Variants in FHIT observed in about 807,000 individuals in gnomAD.
FHIT encodes fragile histidine triad diadenosine triphosphatase.
Under a neutral mutation model 17.9 loss-of-function variants are expected in FHIT, and 19 were observed. The observed-to-expected ratio is 1.06, with a 90% CI of 0.74 to 1.56. The LOEUF (loss-of-function observed/expected upper bound fraction) is 1.56. FHIT is among the 40% of genes most tolerant of loss of function. The probability of loss-of-function intolerance (pLI) is 0.00; values close to 1 mark genes in which losing one functional copy is unlikely to be tolerated. For missense variants in FHIT, 248 were observed against 189.2 expected, an observed-to-expected ratio of 1.31 and a Z score of -1.82; for synonymous variants, 81 against 69.7, an observed-to-expected ratio of 1.16 and a Z score of -0.81.
intron 3 of FHIT, among the ~76,000 whole-genome samples, chr3:61,039,811 T>C (rs1000025822): frequency 1.3e-5 from 2 of 152,076 alleles, no homozygotes; most frequent in African/African-American, 4.8e-5. Flanking sequence ...GTAACAAACC[T>C]GCACATTCTG....
intron 7 of FHIT, among the ~76,000 whole-genome samples, chr3:59,949,678 T>C (rs751669919): frequency 6.6e-6 from 1 of 152,226 alleles, no homozygotes; most frequent in Non-Finnish European, 1.5e-5. Flanking sequence ...TTGAGGAGTT[T>C]CTATTTACGC....
chr3:60,182,232 G>T (rs1056516381), intron 5 of FHIT, among the ~76,000 whole-genome samples: 1 of 152,134 alleles, frequency 6.6e-6, no homozygotes, highest in South Asian at 2.1e-4. Context: ...CTGAAAACGG[G>T]ATTGACTAAA....
At chr3:60,805,075 G>A (rs1032475167) in intron 4 of FHIT, among the ~76,000 whole-genome samples, 1 of 152,204 alleles carries the variant, frequency 6.6e-6, no homozygotes, top group South Asian at 2.1e-4. Flanking sequence ...GCATAAATGA[G>A]TAGCTTTATA....
chr3:60,602,292 A>G (rs986465860), intron 4 of FHIT, among the ~76,000 whole-genome samples: 5 of 152,186 alleles, frequency 3.3e-5, no homozygotes, highest in Non-Finnish European at 7.3e-5. Flanking sequence ...AAAGCAAGTC[A>G]ATTACAATAG....
At chr3:60,474,788 T>C (rs979250683) in intron 5 of FHIT, among the ~76,000 whole-genome samples, 2 of 151,980 alleles carry the variant, frequency 1.3e-5, no homozygotes, top group Admixed American at 1.3e-4. Flanking sequence ...CACACCCAGC[T>C]ACTTTTGTAT....
chr3:61,074,848 C>T (rs570801724), intron 2 of FHIT, among the ~76,000 whole-genome samples: 2 of 152,200 alleles, frequency 1.3e-5, no homozygotes, highest in South Asian at 4.1e-4. Flanking sequence ...TCTTACTTAA[C>T]CCCCTTTACC....
At chr3:61,106,847 G>A (rs1337486402) in intron 2 of FHIT, among the ~76,000 whole-genome samples, 1 of 152,134 alleles carries the variant, frequency 6.6e-6, no homozygotes, top group African/African-American at 2.4e-5. Flanking sequence ...TTTTAGTAGA[G>A]ATAGGGTTTC....
At chr3:60,744,263 C>CAAAAAAA (rs1201886354) in intron 4 of FHIT, among the ~76,000 whole-genome samples, 6 of 85,980 alleles carry the variant, frequency 7.0e-5, no homozygotes, top group African/African-American at 1.4e-4. Flanking sequence ...AAAAACAAAA[C>CAAAAAAA]AAAACAAAAA....
At chr3:60,320,914 A>G (rs1265827645) in intron 5 of FHIT, among the ~76,000 whole-genome samples, 1 of 152,216 alleles carries the variant, frequency 6.6e-6, no homozygotes, top group African/African-American at 2.4e-5. Flanking sequence ...AATGATCACT[A>G]TTTAACTAAT....
At chr3:60,739,975 G>C (rs1325594383) in intron 4 of FHIT, among the ~76,000 whole-genome samples, 1 of 152,170 alleles carries the variant, frequency 6.6e-6, no homozygotes, top group Non-Finnish European at 1.5e-5. Context: ...TCAAAGAAAA[G>C]AGAAATGTTC....
intron 4 of FHIT, among the ~76,000 whole-genome samples, chr3:60,706,230 T>A (rs1294957863): frequency 8.7e-6 from 1 of 114,438 alleles, no homozygotes; most frequent in Non-Finnish European, 1.7e-5. Context: ...ACATCACACA[T>A]CGGGGCCTGT....
chr3:59,897,907 C>A (rs1035609857), intron 8 of FHIT, among the ~76,000 whole-genome samples: 1 of 152,060 alleles, frequency 6.6e-6, no homozygotes. Context: ...GCTGGGACTA[C>A]AGGCACCCGC....
intron 4 of FHIT, among the ~76,000 whole-genome samples, chr3:60,681,431 G>T (rs909032310): frequency 6.6e-6 from 1 of 152,106 alleles, no homozygotes; most frequent in African/African-American, 2.4e-5. Context: ...CAACTAATAA[G>T]CAGACAACAG....
chr3:59,949,501 C>T (rs921952404), intron 7 of FHIT, among the ~76,000 whole-genome samples: 4 of 152,186 alleles, frequency 2.6e-5, no homozygotes, highest in Admixed American at 6.5e-5. Context: ...GCAAAAGCCA[C>T]GGTTACCATG....
rs1702022357 is a variant in FHIT, at chr3:60,410,479, T to G, written c.103+126381A>C. 1.3e-5 allele frequency among the ~76,000 whole-genome samples: 2 copies of G among 152,194 alleles called. 1 individual carries two copies. The highest frequency in any genetic ancestry group is 4.1e-4 in the South Asian group (2 of 4,828). ...AAGGTTTTATCGTGGATAAAAGAAT[T>G]GTAATACGTGATTTTAAATATTTTA... On this transcript the variant is annotated intron_variant, in intron 5 of 9. Transcript: ENST00000492590.
chr3:60,560,295 T>A (rs1039677631), intron 4 of FHIT, among the ~76,000 whole-genome samples: 1 of 152,120 alleles, frequency 6.6e-6, no homozygotes, highest in Non-Finnish European at 1.5e-5. Flanking sequence ...GGGCTTCTCA[T>A]AGGCACAGTA....
chr3:60,678,024 T>C (rs1204332388), intron 4 of FHIT, among the ~76,000 whole-genome samples: 6 of 152,180 alleles, frequency 3.9e-5, no homozygotes, highest in Non-Finnish European at 8.8e-5. Flanking sequence ...TTCTTTTTCA[T>C]TTCTGACTTT....
At chr3:60,527,614 A>C (rs555355601) in intron 5 of FHIT, among the ~76,000 whole-genome samples, 2 of 152,324 alleles carry the variant, frequency 1.3e-5, no homozygotes, top group Admixed American at 6.5e-5. Flanking sequence ...CTAGACTTTC[A>C]GAAGTCACTA....
intron 4 of FHIT, among the ~76,000 whole-genome samples, chr3:60,644,149 G>A (rs2039795682): frequency 2.6e-5 from 4 of 152,274 alleles, no homozygotes; most frequent in African/African-American, 9.6e-5. Flanking sequence ...TTTAGGAAAT[G>A]CTGCACTGGA....
Sources: allele counts gnomAD v4.1 joint callset (sites outside exome capture counted in the v4.1 genomes callset), GRCh38; gene constraint gnomAD v4.1.1; transcripts MANE v1.5; gene names NCBI Gene and HGNC (gene_info 2026-07-23, HGNC 2026-07-21).